The following SORBS2 variants were observed in gnomAD, a reference collection of about 807,000 sequenced individuals.
The protein encoded by SORBS2 is sorbin and SH3 domain containing 2, also known as sorbin and SH3 domain-containing protein 2.
SORBS2 carries 46 observed loss-of-function variants against 97.7 expected under a neutral mutation model. The observed-to-expected ratio is 0.47, with a 90% CI of 0.37 to 0.60. The LOEUF is 0.60. Among genes scored for constraint, SORBS2 ranks in the 20% least tolerant of loss-of-function variants. SORBS2 has a pLI of 0.00. For missense variants in SORBS2, 1,316 were observed against 1,282.3 expected (o/e 1.03, Z -0.40); for synonymous variants, 476 against 473.4 (o/e 1.01, Z -0.07).
chr4:185,905,502 C>T (rs2099250271), intron 1 of SORBS2, among the ~76,000 whole-genome samples: 1 of 152,222 alleles, frequency 6.6e-6, no homozygotes, highest in African/African-American at 2.4e-5. Flanking sequence ...ACAGTATTCC[C>T]TTCCTAAAAC....
At chr4:185,797,564 C>T (rs901983491) in intron 1 of SORBS2, among the ~76,000 whole-genome samples, 7 of 152,268 alleles carry the variant, frequency 4.6e-5, no homozygotes, top group Non-Finnish European at 5.9e-5. Flanking sequence ...CTGCCTCTGA[C>T]GTGCCAGGCG....
At chr4:185,787,109 T>C (rs1196129225) in intron 1 of SORBS2, among the ~76,000 whole-genome samples, 1 of 152,162 alleles carries the variant, frequency 6.6e-6, no homozygotes, top group Non-Finnish European at 1.5e-5. Flanking sequence ...CAGTAGGCTG[T>C]TGTTGCTGTT....
At chr4:185,865,354 T>C (rs2099226301) in intron 1 of SORBS2, among the ~76,000 whole-genome samples, 1 of 152,106 alleles carries the variant, frequency 6.6e-6, no homozygotes, top group Admixed American at 6.6e-5. Flanking sequence ...CTTCCACTCC[T>C]TGCCCCACTC....
At chr4:185,912,388 C>A (rs557057088) in intron 1 of SORBS2, among the ~76,000 whole-genome samples, 1 of 151,884 alleles carries the variant, frequency 6.6e-6, no homozygotes, top group African/African-American at 2.4e-5. Flanking sequence ...AGTTCGAGAC[C>A]AGCCTGGCCA....
At chr4:185,948,510 AT>A (rs34637572) in intron 1 of SORBS2, among the ~76,000 whole-genome samples, 29,094 of 86,994 alleles carry the variant, frequency 0.33, 2,619 homozygotes, top group East Asian at 0.51. Flanking sequence ...ATGAATTTCA[AT>A]TTTTTTTTTT....
chr4:185,680,643 G>C (rs2097854694), intron 2 of SORBS2, among the ~76,000 whole-genome samples: 3 of 152,068 alleles, frequency 2.0e-5, no homozygotes, highest in Admixed American at 2.0e-4. Flanking sequence ...TTTCTTTTAT[G>C]CTTGGTTTGG....
chr4:185,601,738 C>G (rs1250089268), intron 12 of SORBS2, among the ~76,000 whole-genome samples: 3 of 152,126 alleles, frequency 2.0e-5, no homozygotes, highest in Non-Finnish European at 4.4e-5. Context: ...TGGATCATAA[C>G]AGCTGGAAAG....
At chr4:185,708,524 G>A (rs1367140132) in intron 2 of SORBS2, among the ~76,000 whole-genome samples, 1 of 152,176 alleles carries the variant, frequency 6.6e-6, no homozygotes, top group Non-Finnish European at 1.5e-5. Context: ...AATCACAGGA[G>A]CATTCAAAAA....
At chr4:185,600,068 C>T (rs921203746) in intron 12 of SORBS2, among the ~76,000 whole-genome samples, 4 of 152,222 alleles carry the variant, frequency 2.6e-5, no homozygotes, top group Non-Finnish European at 4.4e-5. Context: ...GGAAAATGTA[C>T]AAGAAGTTAG....
rs932041924 is a variant in SORBS2 at position 185,622,530 on chromosome 4, A to T, written c.2215+384T>A. Among the ~76,000 whole-genome samples, 32 of 152,356 alleles carry T rather than the reference A, an allele frequency of 2.1e-4. 1 individual carries two copies. The highest frequency in any genetic ancestry group is 3.4e-3 in the Middle Eastern group (1 of 294). On this transcript the variant is annotated intron_variant, in intron 7 of 14. Coordinates refer to ENST00000418609, the Ensembl canonical transcript of SORBS2. Reference sequence around the variant, plus strand: ...ATTAACTGAATGAATATAAAGTTTTAACGTTAATATAAACATTTTTAAAAG... The same window carrying T: ...ATTAACTGAATGAATATAAAGTTTTTACGTTAATATAAACATTTTTAAAAG...
intron 2 of SORBS2, among the ~76,000 whole-genome samples, chr4:185,696,863 G>A (rs1279425483): frequency 1.3e-5 from 2 of 152,160 alleles, no homozygotes; most frequent in Non-Finnish European, 2.9e-5. Flanking sequence ...CAACTTGATA[G>A]TACAGTATTA....
Position 185,638,169 on chromosome 4 carries a change from C to A in SORBS2, c.397-7571G>T, listed in dbSNP as rs1561578073. Reference sequence around the variant, plus strand: ...CTGGATTTATGCGATCAGTCTAGAGCAGATGTGAAGGAAAAGGGAAGGAAA... The same window carrying A: ...CTGGATTTATGCGATCAGTCTAGAGAAGATGTGAAGGAAAAGGGAAGGAAA... On this transcript the variant is annotated intron_variant, in intron 4 of 14. Coordinates refer to ENST00000418609, the Ensembl canonical transcript of SORBS2. 6.3e-7 allele frequency: 1 copy of A among 1,577,068 alleles called. No individual in the cohort carries two copies. The highest frequency in any genetic ancestry group is 8.7e-7 in the Non-Finnish European group (1 of 1,147,256).
chr4:185,738,106 TC>T (rs1209809654), intron 2 of SORBS2, among the ~76,000 whole-genome samples: 2 of 152,174 alleles, frequency 1.3e-5, no homozygotes, highest in African/African-American at 4.8e-5. Flanking sequence ...CACTTCCAAG[TC>T]AATCGAGACA....
intron 1 of SORBS2, among the ~76,000 whole-genome samples, chr4:185,800,325 A>G (rs2099124149): frequency 6.6e-6 from 1 of 152,232 alleles, no homozygotes; most frequent in Non-Finnish European, 1.5e-5. Flanking sequence ...ATAGAGATTT[A>G]TAGTAATAAT....
intron 1 of SORBS2, among the ~76,000 whole-genome samples, chr4:185,917,932 A>G (rs2099259065): frequency 6.6e-6 from 1 of 152,212 alleles, no homozygotes; most frequent in African/African-American, 2.4e-5. Context: ...CTGACTGTCA[A>G]CGATAGAACG....
chr4:185,600,334 C>A (rs796705869), intron 12 of SORBS2, among the ~76,000 whole-genome samples: 8 of 152,180 alleles, frequency 5.3e-5, no homozygotes, highest in African/African-American at 1.9e-4. Context: ...AATGTTATAT[C>A]TTTTTTTGTC....
intron 2 of SORBS2, among the ~76,000 whole-genome samples, chr4:185,707,243 G>C (rs766442159): frequency 1.3e-5 from 2 of 152,152 alleles, no homozygotes; most frequent in Non-Finnish European, 2.9e-5. Flanking sequence ...CACAGGGAAG[G>C]TACAAGGTCA....
At position 185,708,515 on chromosome 4, in the gene SORBS2, A is replaced by G. The variant is rs73873324; in HGVS notation, c.-197-29693T>C. On this transcript the variant is annotated intron_variant, in intron 2 of 20. Transcript: ENST00000284776. ...TTGGATGAGTCACCTTTTAGTTATA[A>G]TCACAGGAGCATTCAAAAATGAAAT... 3.7e-3 allele frequency among the ~76,000 whole-genome samples: 571 copies of G among 152,342 alleles called. 3 individuals are homozygous for G. The highest frequency in any genetic ancestry group is 0.013 in the African/African-American group (547 of 41,578).
intron 1 of SORBS2, among the ~76,000 whole-genome samples, chr4:185,948,510 ATTTTTTTTTTTTTT>A (rs34637572): frequency 1.1e-5 from 1 of 87,736 alleles, no homozygotes; most frequent in Non-Finnish European, 2.1e-5. Flanking sequence ...ATGAATTTCA[ATTTTTTTTTTTTTT>A]TTTTTTTTTT....
Sources: gnomAD v4.1 joint callset for allele counts (sites outside exome capture counted in the v4.1 genomes callset) on GRCh38, gnomAD v4.1.1 for gene constraint, MANE v1.5 for transcripts, NCBI Gene and HGNC (gene_info 2026-07-23, HGNC 2026-07-21) for gene names.